The following CTNNA3 variants were observed in gnomAD, a reference collection of about 807,000 sequenced individuals.
CTNNA3 encodes catenin alpha-3.
In CTNNA3, 76 loss-of-function variants were observed where a neutral mutation model predicts 95.7. The ratio of observed to expected loss-of-function variants is 0.79; its 90% CI spans 0.66 to 0.96. The LOEUF (loss-of-function observed/expected upper bound fraction) is 0.96. CTNNA3 is among the 40% of genes least tolerant of loss of function. The pLI, the probability that CTNNA3 is intolerant of heterozygous loss-of-function variation, is 0.00. For synonymous variants in CTNNA3, 431 were observed against 374.4 expected (o/e 1.15, Z -1.74); for missense variants, 1,191 against 1,089.8 (o/e 1.09, Z -1.31).
intron 7 of CTNNA3, among the ~76,000 whole-genome samples, chr10:66,924,506 CAGA>C (rs1163402980): frequency 1.3e-5 from 2 of 152,038 alleles, no homozygotes; most frequent in Non-Finnish European, 2.9e-5. Context: ...TCCACAGAAC[CAGA>C]AGATTTATTT....
chr10:67,273,016 T>A (rs1171955740), intron 5 of CTNNA3, among the ~76,000 whole-genome samples: 2 of 152,190 alleles, frequency 1.3e-5, no homozygotes, highest in African/African-American at 4.8e-5. Flanking sequence ...TACTTATTAT[T>A]TGTAGCATAA....
chr10:66,271,900 G>C (rs2091290303), intron 13 of CTNNA3, among the ~76,000 whole-genome samples: 2 of 152,100 alleles, frequency 1.3e-5, no homozygotes, highest in African/African-American at 4.8e-5. Flanking sequence ...CACGTTTCCT[G>C]AATATCTTTT....
intron 11 of CTNNA3, among the ~76,000 whole-genome samples, chr10:66,402,824 G>A (rs2093030608): frequency 1.3e-5 from 2 of 152,060 alleles, no homozygotes; most frequent in African/African-American, 2.4e-5. Flanking sequence ...TCAGAAACTT[G>A]GACCCCCACA....
At chr10:66,816,263 T>C (rs4626963) in intron 7 of CTNNA3, among the ~76,000 whole-genome samples, 48,165 of 151,656 alleles carry the variant, frequency 0.32, 8,638 homozygotes, top group Non-Finnish European at 0.42. Context: ...CAAAGTAAAA[T>C]GGAGGAATGG....
At chr10:66,552,247 T>TC (rs547849988) in intron 10 of CTNNA3, among the ~76,000 whole-genome samples, 175 of 152,272 alleles carry the variant, frequency 1.1e-3, no homozygotes, top group African/African-American at 4.0e-3. Context: ...TGCTGGGATT[T>TC]CCCCTCACTC....
intron 9 of CTNNA3, among the ~76,000 whole-genome samples, chr10:66,682,793 A>C (rs1158123064): frequency 2.6e-5 from 4 of 152,194 alleles, no homozygotes; most frequent in Non-Finnish European, 5.9e-5. Context: ...CAAACAAAAC[A>C]AAGAAAAGCA....
At chr10:66,546,878 A>T (rs1452723325) in intron 10 of CTNNA3, among the ~76,000 whole-genome samples, 1 of 152,142 alleles carries the variant, frequency 6.6e-6, no homozygotes, top group Non-Finnish European at 1.5e-5. Flanking sequence ...ATCAGATTTG[A>T]TATGTCCCAT....
At chr10:66,222,626 G>GAAAGAAAGAAAGAAAGAA (rs1564783104) in intron 13 of CTNNA3, among the ~76,000 whole-genome samples, 7 of 76,656 alleles carry the variant, frequency 9.1e-5, no homozygotes, top group African/African-American at 3.2e-4. Flanking sequence ...GAAAGAAAAA[G>GAAAGAAAGAAAGAAAGAA]AAAGAAAGAA....
chr10:66,051,015 A>C (rs2079945338), intron 15 of CTNNA3, among the ~76,000 whole-genome samples: 1 of 151,982 alleles, frequency 6.6e-6, no homozygotes, highest in Non-Finnish European at 1.5e-5. Context: ...TACCATGCCC[A>C]GCTAATATTT....
chr10:66,914,471 G>T (rs1490921542), intron 7 of CTNNA3, among the ~76,000 whole-genome samples: 1 of 149,614 alleles, frequency 6.7e-6, no homozygotes, highest in Non-Finnish European at 1.5e-5. Context: ...CCTCCAACAT[G>T]AAATGGGCCA....
chr10:67,384,990 A>G (rs1302146775), intron 5 of CTNNA3, among the ~76,000 whole-genome samples: 1 of 151,138 alleles, frequency 6.6e-6, no homozygotes, highest in Non-Finnish European at 1.5e-5. Flanking sequence ...GCCTATTTTG[A>G]TAAGAAAAAG....
intron 7 of CTNNA3, among the ~76,000 whole-genome samples, chr10:66,928,691 C>T (rs1330964160): frequency 2.0e-5 from 3 of 152,152 alleles, no homozygotes; most frequent in African/African-American, 2.4e-5. Context: ...GCTTGAACTC[C>T]GGTTTAATAT....
At chr10:66,432,072 G>A (rs1444906310) in intron 11 of CTNNA3, among the ~76,000 whole-genome samples, 1 of 151,648 alleles carries the variant, frequency 6.6e-6, no homozygotes, top group African/African-American at 2.4e-5. Flanking sequence ...TCATTTTTTG[G>A]AATTCGTAAA....
rs553894872 is a variant in CTNNA3, at chr10:66,007,454, T to A, written c.2160-18657A>T. ...TTATCTATTGCAAAATGATACAACA[T>A]AATGCCTCTTCAATTAACAAATGTT... On this transcript the variant is annotated intron_variant, in intron 15 of 17. Transcript: ENST00000433211. 3.0e-3 allele frequency among the ~76,000 whole-genome samples: 464 copies of A among 152,276 alleles called. 1 individual carries two copies. The highest frequency in any genetic ancestry group is 0.011 in the African/African-American group (450 of 41,558).
chr10:67,281,117 C>A (rs1458991917), intron 5 of CTNNA3, among the ~76,000 whole-genome samples: 3 of 151,586 alleles, frequency 2.0e-5, no homozygotes, highest in Non-Finnish European at 4.4e-5. Flanking sequence ...GATTTTAGGT[C>A]ATGATCTTTA....
At chr10:66,755,279 G>A (rs1839319259) in intron 9 of CTNNA3, among the ~76,000 whole-genome samples, 1 of 152,064 alleles carries the variant, frequency 6.6e-6, no homozygotes, top group South Asian at 2.1e-4. Context: ...AGAAAGTAGG[G>A]CTTGAAAGTA....
At chr10:67,714,068 G>T (rs1345217933) in intron 1 of CTNNA3, among the ~76,000 whole-genome samples, 1 of 152,202 alleles carries the variant, frequency 6.6e-6, no homozygotes, top group Non-Finnish European at 1.5e-5. Context: ...CTCTCATGGA[G>T]AACCTCTGCT....
At chr10:66,718,571 A>T (rs1848527179) in intron 9 of CTNNA3, among the ~76,000 whole-genome samples, 1 of 151,400 alleles carries the variant, frequency 6.6e-6, no homozygotes, top group Non-Finnish European at 1.5e-5. Context: ...ACATGTTTGT[A>T]TATGTAGTAA....
At chr10:67,129,655 T>C (rs1348621520) in intron 7 of CTNNA3, among the ~76,000 whole-genome samples, 2 of 152,194 alleles carry the variant, frequency 1.3e-5, no homozygotes, top group Non-Finnish European at 2.9e-5. Flanking sequence ...ATTTACTAGA[T>C]AGTAAATTTC....
Sources: allele counts gnomAD v4.1 joint callset (sites outside exome capture counted in the v4.1 genomes callset), GRCh38; gene constraint gnomAD v4.1.1; transcripts MANE v1.5; gene names NCBI Gene and HGNC (gene_info 2026-07-23, HGNC 2026-07-21).